FOXO3: variants seen among roughly 807,000 people sequenced by gnomAD.
FOXO3 encodes the protein forkhead box O3.
Under a neutral mutation model 41.9 loss-of-function variants are expected in FOXO3, and 4 were observed. That is an observed-to-expected ratio of 0.10 (90% confidence interval 0.05 to 0.22). The LOEUF (loss-of-function observed/expected upper bound fraction) is 0.22, where lower values mean the gene tolerates loss of function less well. Among genes scored for constraint, FOXO3 ranks in the 10% least tolerant of loss-of-function variants. The probability of loss-of-function intolerance (pLI) is 1.00; values close to 1 mark genes in which losing one functional copy is unlikely to be tolerated. For synonymous variants in FOXO3, 318 were observed against 389.3 expected (o/e 0.82, Z 2.16); for missense variants, 534 against 906.8 (o/e 0.59, Z 5.28).
At chr6:108,572,724 CTAA>C (rs148183209) in intron 1 of FOXO3, among the ~76,000 whole-genome samples, 1,815 of 152,226 alleles carry the variant, frequency 0.012, 50 homozygotes, top group African/African-American at 0.042. Context: ...CCTATTTATA[CTAA>C]TAATGACAAT....
chr6:108,560,848 G>A (rs544993831), upstream of FOXO3: 6 of 647,978 alleles, frequency 9.3e-6, no homozygotes, highest in African/African-American at 3.8e-5. Flanking sequence ...CTGGGCGGCG[G>A]GGGGAGGGGG....
At chr6:108,568,294 G>A (rs56816124) in intron 1 of FOXO3, among the ~76,000 whole-genome samples, 4,227 of 150,080 alleles carry the variant, frequency 0.028, 202 homozygotes, top group African/African-American at 0.096. Flanking sequence ...TTTCACAGCT[G>A]TTCATCTCAG....
At chr6:108,603,010 CT>C (rs1349648245) in intron 1 of FOXO3, among the ~76,000 whole-genome samples, 10 of 152,004 alleles carry the variant, frequency 6.6e-5, no homozygotes, top group Admixed American at 6.6e-4. Flanking sequence ...AGATAAAAAT[CT>C]TTGGATTGAA....
chr6:108,590,254 G>A (rs188985824), intron 1 of FOXO3, among the ~76,000 whole-genome samples: 1 of 152,078 alleles, frequency 6.6e-6, no homozygotes, highest in Non-Finnish European at 1.5e-5. Flanking sequence ...CTCCTGAGTA[G>A]TTGGAACTAC....
intron 1 of FOXO3, among the ~76,000 whole-genome samples, chr6:108,588,553 C>T (rs1366781727): frequency 6.6e-6 from 1 of 152,198 alleles, no homozygotes; most frequent in Non-Finnish European, 1.5e-5. Flanking sequence ...ATGGTCTTCC[C>T]TTCTTCCTCT....
At position 108,656,600 on chromosome 6, in the gene FOXO3, T is replaced by G; in HGVS notation, c.622-6855T>G. 4 of 759,486 alleles carry G rather than the reference T, an allele frequency of 5.3e-6. No individual in the cohort carries two copies. In the South Asian group the frequency reaches 1.8e-4, roughly 34 times the overall value. 47.0% of individuals were successfully genotyped at this position (759,486 alleles called of 1,614,324 possible). ...GGATCTAACAGTTGTTGGGAGCTGC[T>G]TTTGTACTTGGCACTTCACTGAGTA... On this transcript the variant is annotated intron_variant, in intron 1 of 2. Transcript: ENST00000406360.
rs574112670 is a variant in FOXO3, at chr6:108,605,938, T to C, written c.621+44109T>C. On this transcript the variant is annotated intron_variant, in intron 1 of 2. Transcript: ENST00000406360. ...ATCACTCAAAAGACCAAAAAAAGTT[T>C]TATTTTGTCATGTGAGCATGTGATC... Among the ~76,000 whole-genome samples, 11 of 152,382 alleles carry C rather than the reference T, an allele frequency of 7.2e-5. No homozygotes were observed. In the East Asian group the frequency reaches 2.1e-3, roughly 29 times the overall value.
intron 1 of FOXO3, among the ~76,000 whole-genome samples, chr6:108,597,987 TTAAACCCA>T (rs1208079322): frequency 6.6e-6 from 1 of 152,218 alleles, no homozygotes; most frequent in Non-Finnish European, 1.5e-5. Context: ...ATAGTGTCTT[TTAAACCCA>T]TAAATTCTAA....
intron 2 of FOXO3, among the ~76,000 whole-genome samples, chr6:108,670,323 C>G (rs1444567531): frequency 6.6e-6 from 1 of 152,016 alleles, no homozygotes; most frequent in African/African-American, 2.4e-5. Context: ...ATTGCTTTCC[C>G]CAATCCTCCA....
intron 1 of FOXO3, among the ~76,000 whole-genome samples, chr6:108,626,846 A>G (rs979343481): frequency 6.6e-6 from 1 of 152,184 alleles, no homozygotes; most frequent in Non-Finnish European, 1.5e-5. Context: ...TTAACATTGG[A>G]AGTGGTATGT....
intron 1 of FOXO3, among the ~76,000 whole-genome samples, chr6:108,631,557 A>G (rs866879477): frequency 7.2e-5 from 11 of 152,016 alleles, no homozygotes; most frequent in Admixed American, 3.9e-4. Context: ...TGCTTTCTCA[A>G]TTATCCTATA....
intron 1 of FOXO3, among the ~76,000 whole-genome samples, chr6:108,592,836 G>A (rs182847626): frequency 2.0e-5 from 3 of 152,306 alleles, no homozygotes; most frequent in African/African-American, 7.2e-5. Context: ...TTGGGAGGGC[G>A]CTAAGAATGG....
At chr6:108,570,678 G>T (rs1335365389) in intron 1 of FOXO3, among the ~76,000 whole-genome samples, 1 of 152,120 alleles carries the variant, frequency 6.6e-6, no homozygotes, top group African/African-American at 2.4e-5. Context: ...GCCCTTGAAG[G>T]TATTGAGAAT....
At chr6:108,654,010 C>T (rs1231262295) in intron 1 of FOXO3, among the ~76,000 whole-genome samples, 1 of 152,168 alleles carries the variant, frequency 6.6e-6, no homozygotes, top group East Asian at 1.9e-4. Context: ...ACAACAGGGG[C>T]ATCCAAATGC....
intron 1 of FOXO3, among the ~76,000 whole-genome samples, chr6:108,606,410 T>C (rs1199231858): frequency 6.6e-6 from 1 of 152,176 alleles, no homozygotes; most frequent in African/African-American, 2.4e-5. Flanking sequence ...GCCTCTGCAA[T>C]TGTGATATTC....
At chr6:108,613,057 T>G (rs932765050) in intron 1 of FOXO3, among the ~76,000 whole-genome samples, 1 of 152,246 alleles carries the variant, frequency 6.6e-6, no homozygotes, top group Non-Finnish European at 1.5e-5. Context: ...TATGATGAAA[T>G]ACATTGACTG....
At chr6:108,639,964 C>T (rs1473916729) in intron 1 of FOXO3, among the ~76,000 whole-genome samples, 1 of 152,182 alleles carries the variant, frequency 6.6e-6, no homozygotes, top group African/African-American at 2.4e-5. Flanking sequence ...CAGAATCTAA[C>T]AGAAAACCAT....
intron 1 of FOXO3, among the ~76,000 whole-genome samples, chr6:108,576,931 G>A (rs1435299481): frequency 6.6e-6 from 1 of 152,122 alleles, no homozygotes; most frequent in African/African-American, 2.4e-5. Context: ...AGAAGGAAGA[G>A]AAGAAAATAA....
chr6:108,612,824 T>G (rs980949962), intron 1 of FOXO3, among the ~76,000 whole-genome samples: 7 of 152,226 alleles, frequency 4.6e-5, no homozygotes, highest in African/African-American at 1.7e-4. Flanking sequence ...ATCCTTACCA[T>G]TTTTCTCATC....
Sources: allele counts gnomAD v4.1 joint callset (sites outside exome capture counted in the v4.1 genomes callset), GRCh38; gene constraint gnomAD v4.1.1; transcripts MANE v1.5; gene names NCBI Gene and HGNC (gene_info 2026-07-23, HGNC 2026-07-21).